Variants in TMEFF1 observed in about 807,000 individuals in gnomAD.
The protein encoded by TMEFF1 is tomoregulin-1.
A neutral mutation model predicts 47.5 loss-of-function variants in TMEFF1; 20 were observed. That is an observed-to-expected ratio of 0.42 (90% CI 0.30 to 0.61). The LOEUF (loss-of-function observed/expected upper bound fraction) is 0.61, where lower values mean the gene tolerates loss of function less well. TMEFF1 is among the 20% of genes least tolerant of loss of function. TMEFF1 has a pLI of 0.19. For missense variants in TMEFF1, 411 were observed against 471.1 expected (o/e 0.87, Z 1.18); for synonymous variants, 162 against 166.3 (o/e 0.97, Z 0.20).
chr9:100,540,566 G>A (rs556237714), intron 5 of TMEFF1, among the ~76,000 whole-genome samples: 3 of 152,314 alleles, frequency 2.0e-5, no homozygotes, highest in African/African-American at 7.2e-5. Flanking sequence ...CCCCAGAGAG[G>A]GGCCCCCACA....
At chr9:100,487,769 CTTT>C (rs36068037) in intron 1 of TMEFF1, among the ~76,000 whole-genome samples, 25 of 145,278 alleles carry the variant, frequency 1.7e-4, no homozygotes, top group Admixed American at 2.8e-4. Context: ...TATTATACTC[CTTT>C]TTTTTTTTTT....
At chr9:100,547,306 A>G (rs912860345) in intron 5 of TMEFF1, among the ~76,000 whole-genome samples, 2 of 152,122 alleles carry the variant, frequency 1.3e-5, no homozygotes, top group Non-Finnish European at 2.9e-5. Context: ...ATGAGCCATC[A>G]TGCCTGGCCA....
chr9:100,541,184 A>G (rs953970705), intron 5 of TMEFF1, among the ~76,000 whole-genome samples: 1 of 152,142 alleles, frequency 6.6e-6, no homozygotes, highest in Non-Finnish European at 1.5e-5. Context: ...TTCATCTTCA[A>G]AAGTCTAATT....
chr9:100,551,915 G>C (rs1838833479), intron 7 of TMEFF1, among the ~76,000 whole-genome samples: 1 of 152,204 alleles, frequency 6.6e-6, no homozygotes, highest in Non-Finnish European at 1.5e-5. Flanking sequence ...GTGGGAATCT[G>C]TGAAATGTCT....
intron 9 of TMEFF1, 26 bp from the exon 10 acceptor site, chr9:100,576,489 TC>T: frequency 6.2e-7 from 1 of 1,602,096 alleles, no homozygotes; most frequent in Non-Finnish European, 8.5e-7. Flanking sequence ...ACAATATTTT[TC>T]TCTCTTTCTT....
chr9:100,520,227 G>A (rs1838139116), intron 5 of TMEFF1, among the ~76,000 whole-genome samples: 1 of 152,170 alleles, frequency 6.6e-6, no homozygotes, highest in African/African-American at 2.4e-5. Flanking sequence ...CAGGAGGATT[G>A]CTTGAGCCTG....
rs568341218 is a variant in TMEFF1, at chr9:100,486,037, C to G, written c.196+12297C>G. Among the ~76,000 whole-genome samples, 13 of 149,004 alleles carry G rather than the reference C, an allele frequency of 8.7e-5. No individual in the cohort carries two copies. In the South Asian group the frequency reaches 2.7e-3, roughly 31 times the overall value. On this transcript the variant is annotated intron_variant, in intron 1 of 9. Transcript: ENST00000374879. ...TTCAACCACAGCTCAATTTCTCTCTCTCTTTTTTTTTTTTTGCAAATATTC... is the reference window on the plus strand; with the variant it reads ...TTCAACCACAGCTCAATTTCTCTCTGTCTTTTTTTTTTTTTGCAAATATTC...
rs1443615259 is a variant in TMEFF1, at chr9:100,473,595, G to A, written c.51G>A (p.Pro17=). ...CGCTCCGGCTGCCTGCCGCGCCTCC[G>A]CTCGCCTTCTGCTGCTACACGTCGG... ...EAPLRLPAAP[P]LAFCCYTSVL... is the part of the protein sequence containing the mutation. Residue 17 remains proline (P), a synonymous_variant, in exon 1 of 10, where the codon CCG becomes CCA. Transcript: ENST00000374879. The surrounding 1 kb of genome is among the most constrained non-coding windows in gnomAD (Gnocchi z 5.4). 8 of 1,552,416 alleles carry A rather than the reference G, an allele frequency of 5.2e-6. No individual in the cohort carries two copies. Among genetic ancestry groups the A allele is most frequent in the East Asian group, 2.5e-5 (1 of 40,788 alleles).
chr9:100,486,836 C>T (rs1837458952), intron 1 of TMEFF1, among the ~76,000 whole-genome samples: 1 of 152,096 alleles, frequency 6.6e-6, no homozygotes, highest in Non-Finnish European at 1.5e-5. Context: ...CGGAGTCTCT[C>T]TATGTTGCCC....
chr9:100,572,807 C>A, intron 9 of TMEFF1, 131 bp downstream of exon 9: 1 of 1,142,362 alleles, frequency 8.8e-7, no homozygotes, highest in Admixed American at 3.3e-5. Context: ...AGTGGTCTCT[C>A]CCTATCCTTC....
intron 1 of TMEFF1, among the ~76,000 whole-genome samples, chr9:100,489,102 A>G (rs1445864370): frequency 2.0e-5 from 3 of 152,202 alleles, no homozygotes; most frequent in Admixed American, 6.5e-5. Flanking sequence ...TGGTAACCAC[A>G]TAGAGACTTT....
At position 100,539,149 on chromosome 9, in the gene TMEFF1, G is replaced by A. The variant is rs916824722; in HGVS notation, c.561-8595G>A. Among the ~76,000 whole-genome samples the A allele has an allele frequency of 1.6e-4, 25 of 152,222 alleles. No homozygotes were observed. In the East Asian group the frequency reaches 4.6e-3, roughly 28 times the overall value. On this transcript the variant is annotated intron_variant, in intron 5 of 9. Transcript: ENST00000374879. ...TTGAACTTCTGATCTCAAGTGATCC[G>A]CCTGCCTCATCCTCCCAAAGTGCTG...
At chr9:100,474,321 C>CTG (rs533050448) in intron 1 of TMEFF1, among the ~76,000 whole-genome samples, 4 of 151,378 alleles carry the variant, frequency 2.6e-5, no homozygotes, top group South Asian at 2.1e-4. Context: ...TGCAGAGTGA[C>CTG]TGTGTGTGTG....
intron 5 of TMEFF1, among the ~76,000 whole-genome samples, chr9:100,532,738 G>C (rs910373790): frequency 1.3e-5 from 2 of 151,838 alleles, no homozygotes; most frequent in African/African-American, 2.4e-5. Flanking sequence ...CCATTACTGG[G>C]TATATACCCA....
chr9:100,570,851 A>AT (rs928305758), intron 8 of TMEFF1, among the ~76,000 whole-genome samples: 19 of 152,140 alleles, frequency 1.2e-4, no homozygotes, highest in African/African-American at 4.6e-4. Context: ...GTTGTGGGAC[A>AT]TTCATAAATA....
chr9:100,498,687 A>G (rs1837702928), intron 1 of TMEFF1, 78 bp from the exon 2 acceptor site: 1 of 1,334,006 alleles, frequency 7.5e-7, no homozygotes. Context: ...TTTTTCATAC[A>G]CACACACACA....
At chr9:100,564,690 GC>G (rs1257042849) in intron 8 of TMEFF1, among the ~76,000 whole-genome samples, 1 of 152,180 alleles carries the variant, frequency 6.6e-6, no homozygotes, top group East Asian at 1.9e-4. Flanking sequence ...TATTTTAAAG[GC>G]AGTGAGAGAC....
chr9:100,497,840 G>A (rs183011350), intron 1 of TMEFF1, among the ~76,000 whole-genome samples: 325 of 151,950 alleles, frequency 2.1e-3, no homozygotes, highest in Middle Eastern at 0.01. Flanking sequence ...CTTAGCTTTT[G>A]AGCAGCAGAA....
intron 3 of TMEFF1, among the ~76,000 whole-genome samples, chr9:100,511,079 T>C (rs1422930578): frequency 6.6e-6 from 1 of 152,176 alleles, no homozygotes; most frequent in Non-Finnish European, 1.5e-5. Flanking sequence ...CCAAATTCTT[T>C]CTATACACAC....
Sources: gnomAD v4.1 joint callset for allele counts (sites outside exome capture counted in the v4.1 genomes callset) on GRCh38, gnomAD v4.1.1 for gene constraint, Gnocchi (gnomAD v3.1) non-coding constraint, MANE v1.5 for transcripts, NCBI Gene and HGNC (gene_info 2026-07-23, HGNC 2026-07-21) for gene names.